The following NMD3 variants were observed in gnomAD, a reference collection of about 807,000 sequenced individuals.
NMD3 encodes NMD3 ribosome export adaptor.
A neutral mutation model predicts 73.1 loss-of-function variants in NMD3; 47 were observed. The observed-to-expected ratio is 0.64, with a 90% CI of 0.51 to 0.82. The LOEUF is 0.82. NMD3 is among the 40% of genes least tolerant of loss of function. The probability of loss-of-function intolerance (pLI) is 0.00; values close to 1 mark genes in which losing one functional copy is unlikely to be tolerated. For missense variants in NMD3, 554 were observed against 612.5 expected (o/e 0.90, Z 1.01); for synonymous variants, 210 against 194.5 (o/e 1.08, Z -0.66).
intron 4 of NMD3, among the ~76,000 whole-genome samples, chr3:161,228,786 C>CT (rs1736425962): frequency 6.6e-6 from 1 of 152,158 alleles, no homozygotes; most frequent in South Asian, 2.1e-4. Flanking sequence ...TAATTGCACA[C>CT]TAACATGCCA....
At chr3:161,241,636 G>T (rs1168468891) in intron 10 of NMD3, among the ~76,000 whole-genome samples, 1 of 152,026 alleles carries the variant, frequency 6.6e-6, no homozygotes, top group Non-Finnish European at 1.5e-5. Flanking sequence ...GGCCAGGCTG[G>T]TCTTGAACTC....
chr3:161,252,949 A>G, downstream of NMD3: 1 of 500,118 alleles, frequency 2.0e-6, no homozygotes, highest in South Asian at 2.5e-5. Flanking sequence ...AAATGCAAAA[A>G]TTATCCGGGC....
At chr3:161,231,995 G>C (rs567788035) in intron 4 of NMD3, among the ~76,000 whole-genome samples, 1 of 152,224 alleles carries the variant, frequency 6.6e-6, no homozygotes, top group East Asian at 1.9e-4. Context: ...TAATAAAGTT[G>C]ATTAGTCATG....
intron 11 of NMD3, among the ~76,000 whole-genome samples, chr3:161,243,799 C>G (rs978706958): frequency 6.6e-6 from 1 of 152,036 alleles, no homozygotes; most frequent in African/African-American, 2.4e-5. Flanking sequence ...TATCAAGAGA[C>G]AAGTAATGTC....
intron 8 of NMD3, 62 bp downstream of exon 8, chr3:161,238,253 A>G (rs572938361): frequency 6.0e-6 from 6 of 994,894 alleles, no homozygotes; most frequent in African/African-American, 3.3e-5. Flanking sequence ...CGGATCACAT[A>G]TATTCTTCAG....
rs1457380474 is a variant in NMD3, at chr3:161,222,065, C to G, written c.44+8C>G. The G allele has an allele frequency of 1.9e-6, 3 of 1,598,412 alleles. No individual in the cohort carries two copies. In the East Asian group the frequency reaches 6.8e-5, roughly 36 times the overall value. Reference sequence around the variant, plus strand: ...CCGCAGCCCTGGACACATGTGAGTGCGACACTTCTTCCTTCCCCCTTAAAT... The same window carrying G: ...CCGCAGCCCTGGACACATGTGAGTGGGACACTTCTTCCTTCCCCCTTAAAT... On this transcript the variant is annotated splice_region_variant and intron_variant, in intron 2 of 15. Coordinates refer to ENST00000351193, the MANE Select transcript of NMD3 (RefSeq NM_015938.5).
intron 11 of NMD3, among the ~76,000 whole-genome samples, chr3:161,244,739 G>A (rs1402777288): frequency 6.7e-6 from 1 of 149,410 alleles, no homozygotes; most frequent in African/African-American, 2.5e-5. Flanking sequence ...GAGGTTGTGT[G>A]CTCCAGTGAT....
At chr3:161,244,062 T>C (rs1480017583) in intron 11 of NMD3, among the ~76,000 whole-genome samples, 3 of 152,250 alleles carry the variant, frequency 2.0e-5, no homozygotes, top group African/African-American at 7.2e-5. Flanking sequence ...GCTGTCATTC[T>C]TAAAGAAGAG....
chr3:161,225,679 G>T (rs938588160), intron 3 of NMD3, among the ~76,000 whole-genome samples: 1 of 152,168 alleles, frequency 6.6e-6, no homozygotes, highest in Non-Finnish European at 1.5e-5. Context: ...TGCCTAATGA[G>T]TGTAAAAGTG....
chr3:161,249,757 G>C, intron 14 of NMD3, 197 bp downstream of exon 14: 1 of 587,892 alleles, frequency 1.7e-6, no homozygotes, highest in Non-Finnish European at 3.0e-6. Context: ...ATTATTTCCT[G>C]GTTTATGACC....
intron 13 of NMD3, among the ~76,000 whole-genome samples, chr3:161,248,176 C>T (rs1300037284): frequency 5.9e-5 from 9 of 151,934 alleles, no homozygotes; most frequent in Admixed American, 4.6e-4. Context: ...GATCAAAATA[C>T]CTGATATTAT....
intron 4 of NMD3, 29 bp from the exon 5 acceptor site, chr3:161,233,370 C>A: frequency 6.5e-7 from 1 of 1,529,772 alleles, no homozygotes; most frequent in Non-Finnish European, 9.0e-7. Context: ...TGAGAACTTA[C>A]GTTTCTTTTT....
At chr3:161,245,765 T>C (rs1737177987) in intron 11 of NMD3, among the ~76,000 whole-genome samples, 1 of 151,894 alleles carries the variant, frequency 6.6e-6, no homozygotes. Context: ...ATATATTATA[T>C]ATAGCAGATG....
chr3:161,238,901 C>T (rs550209065), intron 9 of NMD3, 75 bp downstream of exon 9: 1 of 709,156 alleles, frequency 1.4e-6, no homozygotes, highest in South Asian at 1.8e-5. Context: ...TAATTTGTAG[C>T]TCCTGGTTTT....
At chr3:161,228,301 C>A (rs1428661283) in intron 4 of NMD3, among the ~76,000 whole-genome samples, 1 of 152,126 alleles carries the variant, frequency 6.6e-6, no homozygotes, top group Non-Finnish European at 1.5e-5. Flanking sequence ...GCCAACCCCA[C>A]AAATTTCTGA....
chr3:161,251,471 T>C lies in NMD3; in HGVS notation c.*561T>C, dbSNP rs1280719578. On this transcript the variant is annotated 3_prime_UTR_variant, in exon 16 of 16. Coordinates refer to ENST00000351193, the MANE Select transcript of NMD3 (RefSeq NM_015938.5). ...TTTTATTTCCTTATAAAATTAACTC[T>C]TCAAAAGCCGTTAAACAGAGAGTTA... is the stretch of plus-strand genomic sequence containing the variant. 1 of 152,138 alleles carries C rather than the reference T, an allele frequency of 6.6e-6. No homozygotes were observed. The highest frequency in any genetic ancestry group is 1.5e-5 in the Non-Finnish European group (1 of 68,014). The allele number at this position is 152,138 out of a possible 1,614,324, so 9.4% of individuals were successfully genotyped here.
rs970684077 is a variant in NMD3 at position 161,250,768 on chromosome 3, G to T, written c.1382-12G>T. On this transcript the variant is annotated splice_polypyrimidine_tract_variant and intron_variant, in intron 15 of 15. Transcript: ENST00000351193. ...ACTTTGTATTTATTTTATTCTCTTT[G>T]TATTTTTTTAGATTCAGCCATCCCT... 1.9e-6 allele frequency: 3 copies of T among 1,569,156 alleles called. No individual in the cohort carries two copies. Among genetic ancestry groups the T allele is most frequent in the Non-Finnish European group, 2.6e-6 (3 of 1,143,220 alleles).
At chr3:161,228,500 A>AT (rs953595313) in intron 4 of NMD3, among the ~76,000 whole-genome samples, 9 of 148,062 alleles carry the variant, frequency 6.1e-5, no homozygotes, top group African/African-American at 1.2e-4. Flanking sequence ...TTCTTGATGC[A>AT]TTTTTTTTAA....
At position 161,221,982 on chromosome 3, in the gene NMD3, T is replaced by TAAAAAGAAC; in HGVS notation, c.-20-12_-20-11insAAAAAGAAC. On this transcript the variant is annotated splice_polypyrimidine_tract_variant and intron_variant, in intron 1 of 15. Transcript: ENST00000351193. Reference sequence around the variant, plus strand: ...TCTTTTTTTTTTTTTTTTTTTTTTTTTTTTTTAAAAGAACTTAAGGCATAC... The same window carrying TAAAAAGAAC: ...TCTTTTTTTTTTTTTTTTTTTTTTTTAAAAAGAACTTTTTTAAAAGAACTTAAGGCATAC... 1 of 1,267,702 alleles carries TAAAAAGAAC rather than the reference T, an allele frequency of 7.9e-7. No individual in the cohort carries two copies. Among genetic ancestry groups the TAAAAAGAAC allele is most frequent in the Non-Finnish European group, 1.1e-6 (1 of 941,372 alleles). The allele number at this position is 1,267,702 out of a possible 1,614,324, so 78.5% of individuals were successfully genotyped here. A position where few individuals can be genotyped will look rare whatever the true frequency, so the allele number is the denominator to read the frequency against.
Sources: gnomAD v4.1 joint callset for allele counts (sites outside exome capture counted in the v4.1 genomes callset) on GRCh38, gnomAD v4.1.1 for gene constraint, MANE v1.5 for transcripts, NCBI Gene and HGNC (gene_info 2026-07-23, HGNC 2026-07-21) for gene names.